PKN2: variants seen among roughly 807,000 people sequenced by gnomAD.
PKN2 encodes serine/threonine-protein kinase N2.
A neutral mutation model predicts 119.1 loss-of-function variants in PKN2; 38 were observed. The observed-to-expected ratio is 0.32, with a 90% CI of 0.25 to 0.42. The LOEUF is 0.42. Ranked by LOEUF, PKN2 falls within the 10% of genes least tolerant of loss-of-function variation. The pLI is 1.00. For missense variants in PKN2, 850 were observed against 1,165.1 expected, an observed-to-expected ratio of 0.73 and a Z score of 3.94; for synonymous variants, 390 against 384.9, an observed-to-expected ratio of 1.01 and a Z score of -0.15.
intron 10 of PKN2, 32 bp from the exon 11 acceptor site, chr1:88,805,465 C>G (rs758625562): frequency 1.3e-6 from 2 of 1,511,378 alleles, no homozygotes; most frequent in Non-Finnish European, 1.8e-6. Flanking sequence ...AAAGAAATTA[C>G]TTGCTGTTTT....
chr1:88,733,685 A>G (rs1348156585), intron 1 of PKN2, among the ~76,000 whole-genome samples: 1 of 152,166 alleles, frequency 6.6e-6, no homozygotes, highest in Admixed American at 6.5e-5. Context: ...TTAGTTTGAT[A>G]CAATTCCATT....
chr1:88,710,316 A>C (rs185181892), intron 1 of PKN2, among the ~76,000 whole-genome samples: 1 of 152,312 alleles, frequency 6.6e-6, no homozygotes, highest in African/African-American at 2.4e-5. Flanking sequence ...GAAAAGAGAA[A>C]AATTTTCCAG....
At chr1:88,755,348 G>A (rs1193517889) in intron 2 of PKN2, among the ~76,000 whole-genome samples, 2 of 152,124 alleles carry the variant, frequency 1.3e-5, no homozygotes, top group African/African-American at 2.4e-5. Flanking sequence ...TAGATGAAAT[G>A]CAAGGATGAC....
intron 16 of PKN2, among the ~76,000 whole-genome samples, chr1:88,819,954 G>A (rs1214777390): frequency 1.3e-5 from 2 of 151,476 alleles, no homozygotes; most frequent in Non-Finnish European, 2.9e-5. Flanking sequence ...GTTGAACAAT[G>A]AGAACACCTG....
At chr1:88,698,025 T>G (rs948940344) in intron 1 of PKN2, among the ~76,000 whole-genome samples, 1 of 152,200 alleles carries the variant, frequency 6.6e-6, no homozygotes, top group East Asian at 1.9e-4. Flanking sequence ...TTAATCTTCA[T>G]CATTTACCCC....
chr1:88,812,605 A>G (rs1671821658), intron 15 of PKN2, among the ~76,000 whole-genome samples: 1 of 152,062 alleles, frequency 6.6e-6, no homozygotes, highest in South Asian at 2.1e-4. Context: ...GCATGGTAGT[A>G]TGTTCCTGTA....
At chr1:88,720,231 G>A (rs935508898) in intron 1 of PKN2, among the ~76,000 whole-genome samples, 3 of 152,078 alleles carry the variant, frequency 2.0e-5, no homozygotes, top group Non-Finnish European at 4.4e-5. Flanking sequence ...ATGTTGCCCA[G>A]GCTGGTCTTG....
At chr1:88,795,640 A>G (rs72955469) in intron 8 of PKN2, among the ~76,000 whole-genome samples, 1,981 of 152,240 alleles carry the variant, frequency 0.013, 44 homozygotes, top group African/African-American at 0.046. Flanking sequence ...AGGTTCCAGG[A>G]GTTTCAGTTA....
At position 88,779,523 on chromosome 1, in the gene PKN2, C is replaced by T. The variant is rs370434607; in HGVS notation, c.986-5116C>T. On this transcript the variant is annotated intron_variant, in intron 6 of 21. Coordinates refer to ENST00000370521, the MANE Select transcript of PKN2 (RefSeq NM_006256.4). ...ATACTATGTGATCTGATCTGTACCA[C>T]ATGAGGACCTTCTTACTCCATCATT... Among the ~76,000 whole-genome samples, 362 of 151,900 alleles carry T rather than the reference C, an allele frequency of 2.4e-3. 14 individuals carry two copies. In the South Asian group the frequency reaches 0.073, roughly 31 times the overall value.
chr1:88,829,333 A>ACG, intron 19 of PKN2: 3 of 511,370 alleles, frequency 5.9e-6, no homozygotes, highest in South Asian at 4.4e-5. Flanking sequence ...TCGCTACACC[A>ACG]ACAGCTCCAC....
Position 88,822,150 on chromosome 1 carries a change from C to G in PKN2, c.2342+147C>G, listed in dbSNP as rs147201320. 42 of 692,332 alleles carry G rather than the reference C, an allele frequency of 6.1e-5. No individual in the cohort carries two copies. The African/African-American group carries it at 7.4e-4, about 12-fold the overall frequency. 42.9% of individuals were successfully genotyped at this position (692,332 alleles called of 1,614,324 possible). A position where few individuals can be genotyped will look rare whatever the true frequency, so the allele number is the denominator to read the frequency against. Reference sequence around the variant, plus strand: ...TAAGTCAAACCCCAATGTTGAAAGACGTGGTTAGCACTATGATTATATGAT... The same window carrying G: ...TAAGTCAAACCCCAATGTTGAAAGAGGTGGTTAGCACTATGATTATATGAT... On this transcript the variant is annotated intron_variant, in intron 17 of 21. Coordinates refer to ENST00000370521, the MANE Select transcript of PKN2 (RefSeq NM_006256.4).
intron 16 of PKN2, among the ~76,000 whole-genome samples, chr1:88,820,211 T>A (rs1269791339): frequency 9.1e-6 from 1 of 110,114 alleles, no homozygotes; most frequent in African/African-American, 4.7e-5. Context: ...TATATATATA[T>A]ATATATATAT....
At chr1:88,801,236 T>C (rs1161314165) in intron 8 of PKN2, among the ~76,000 whole-genome samples, 4 of 151,958 alleles carry the variant, frequency 2.6e-5, no homozygotes, top group South Asian at 4.2e-4. Context: ...AATACAAAAA[T>C]TAGCCATGTG....
intron 1 of PKN2, among the ~76,000 whole-genome samples, chr1:88,738,256 T>C (rs1368494419): frequency 6.6e-6 from 1 of 151,276 alleles, no homozygotes; most frequent in East Asian, 1.9e-4. Flanking sequence ...AGTGGTCAGA[T>C]AAAAAAAAGG....
At chr1:88,797,048 TCA>T (rs1671098473) in intron 8 of PKN2, among the ~76,000 whole-genome samples, 1 of 151,862 alleles carries the variant, frequency 6.6e-6, no homozygotes, top group Non-Finnish European at 1.5e-5. Context: ...TTTGAAAATG[TCA>T]GGGCCAGGCA....
intron 18 of PKN2, among the ~76,000 whole-genome samples, chr1:88,827,271 C>A (rs942499440): frequency 4.6e-5 from 7 of 152,012 alleles, no homozygotes; most frequent in Non-Finnish European, 7.4e-5. Flanking sequence ...AATGTTAATA[C>A]AGGCTGAGTA....
chr1:88,710,935 T>G (rs962359133), intron 1 of PKN2, among the ~76,000 whole-genome samples: 1 of 152,100 alleles, frequency 6.6e-6, no homozygotes, highest in Non-Finnish European at 1.5e-5. Context: ...ACAGGAAAGG[T>G]GGTACATACA....
intron 1 of PKN2, among the ~76,000 whole-genome samples, chr1:88,714,740 T>A (rs1012401413): frequency 2.6e-5 from 4 of 152,214 alleles, no homozygotes; most frequent in African/African-American, 9.6e-5. Flanking sequence ...TGACTTCCTC[T>A]TTTCCTAATT....
At chr1:88,726,814 T>G (rs1335752354) in intron 1 of PKN2, among the ~76,000 whole-genome samples, 1 of 152,144 alleles carries the variant, frequency 6.6e-6, no homozygotes, top group Non-Finnish European at 1.5e-5. Flanking sequence ...ATTCATACTC[T>G]GTATGCTTAT....
Sources: gnomAD v4.1 joint callset for allele counts (sites outside exome capture counted in the v4.1 genomes callset) on GRCh38, gnomAD v4.1.1 for gene constraint, MANE v1.5 for transcripts, NCBI Gene and HGNC (gene_info 2026-07-23, HGNC 2026-07-21) for gene names.